PNRC1: variants seen among roughly 807,000 people sequenced by gnomAD.
The protein encoded by PNRC1 is proline-rich nuclear receptor coactivator 1.
In PNRC1, 6 loss-of-function variants were observed where a neutral mutation model predicts 20.2. That is an observed-to-expected ratio of 0.30 (90% CI 0.16 to 0.59). The LOEUF is 0.59. Among genes scored for constraint, PNRC1 ranks in the 20% least tolerant of loss-of-function variants. The probability of loss-of-function intolerance (pLI) is 0.89; values close to 1 mark genes in which losing one functional copy is unlikely to be tolerated. For synonymous variants in PNRC1, 202 were observed against 186.9 expected (o/e 1.08, Z -0.66); for missense variants, 488 against 430.2 (o/e 1.13, Z -1.19).
In PNRC1 at chr6:89,084,183, A is replaced by G. The variant is rs578015348; in HGVS notation, c.971A>G (p.Lys324Arg). Residue 324 changes from lysine (K) to arginine (R), a missense_variant, in exon 2 of 2, where the codon AAA (lysine) becomes AGA (arginine). Coordinates refer to ENST00000336032, the MANE Select transcript of PNRC1 (RefSeq NM_006813.3). The part of the protein sequence containing the change: ...LMAVHLKTLL[K>R]VQT ...GCAGTACACTTAAAAACGCTCCTCA[A>G]AGTTCAAACTTAGATTTCAGATTTC... is the stretch of plus-strand genomic sequence containing the variant. 10 of 1,576,660 alleles carry G rather than the reference A, an allele frequency of 6.3e-6. No homozygotes were observed. In the South Asian group the frequency reaches 9.4e-5, roughly 15 times the overall value.
In PNRC1 at chr6:89,084,736, T is replaced by C. The variant is rs779327505; in HGVS notation, c.*540T>C. 1.3e-4 allele frequency: 20 copies of C among 152,680 alleles called. No individual in the cohort carries two copies. Among genetic ancestry groups the C allele is most frequent in the Non-Finnish European group, 1.9e-4 (13 of 68,064 alleles). 9.5% of individuals were successfully genotyped at this position (152,680 alleles called of 1,614,324 possible). ...TTTTTGCTAAACTCAATTTCTGGTTTTGGTATATATCCATTCCAGCTTAAT... is the reference window on the plus strand; with the variant it reads ...TTTTTGCTAAACTCAATTTCTGGTTCTGGTATATATCCATTCCAGCTTAAT... On this transcript the variant is annotated 3_prime_UTR_variant, in exon 2 of 2. Coordinates refer to ENST00000336032, the MANE Select transcript of PNRC1 (RefSeq NM_006813.3).
rs768759337 is a variant in PNRC1 at position 89,084,225 on chromosome 6, A to G, written c.*29A>G. 49 of 1,488,102 alleles carry G rather than the reference A, an allele frequency of 3.3e-5. No homozygotes were observed. The highest frequency in any genetic ancestry group is 4.3e-5 in the Non-Finnish European group (47 of 1,101,918). 92.2% of individuals were successfully genotyped at this position (1,488,102 alleles called of 1,614,324 possible). A position where few individuals can be genotyped will look rare whatever the true frequency, so the allele number is the denominator to read the frequency against. On this transcript the variant is annotated 3_prime_UTR_variant, in exon 2 of 2. Coordinates refer to ENST00000336032, the MANE Select transcript of PNRC1 (RefSeq NM_006813.3). ...TCAGATTTCAGTATGTGTGTAAAAC[A>G]TAATTTTTCCCATATCCCTGGACTC...
rs545791200 is a variant in PNRC1, at chr6:89,081,185, G to T, written c.291G>T (p.Arg97=). The T allele has an allele frequency of 1.4e-4, 220 of 1,583,150 alleles. 2 individuals are homozygous for T. In the South Asian group the frequency reaches 2.3e-3, roughly 16 times the overall value. Residue 97 remains arginine, a synonymous_variant, in exon 1 of 2, where the codon CGG becomes CGT. Coordinates refer to ENST00000336032, the MANE Select transcript of PNRC1 (RefSeq NM_006813.3). The part of the protein sequence containing the change: ...GGTPRAAPKK[R]RKKKVRASPA... ...CTCCTCGGGCAGCGCCGAAGAAGCGGCGAAAGAAGAAGGTGCGGGCCAGCC... is the reference window on the plus strand; with the variant it reads ...CTCCTCGGGCAGCGCCGAAGAAGCGTCGAAAGAAGAAGGTGCGGGCCAGCC...
At position 89,081,419 on chromosome 6, in the gene PNRC1, C is replaced by T. The variant is rs1004131866; in HGVS notation, c.525C>T (p.Thr175=). 67 of 1,336,132 alleles carry T rather than the reference C, an allele frequency of 5.0e-5. No homozygotes were observed. The highest frequency in any genetic ancestry group is 6.2e-5 in the Non-Finnish European group (65 of 1,051,366). The allele number at this position is 1,336,132 out of a possible 1,614,324, so 82.8% of individuals were successfully genotyped here. The change falls in exon 1 of 2, where the codon ACC becomes ACT. Residue 175 remains threonine, a synonymous_variant. Transcript: ENST00000336032. ...APLRPAAPGQ[T]PLRKEVLKSK... ...TGCGGCCCGCGGCTCCCGGCCAAAC[C>T]CCCCTCAGGAAAGAGGTGAGGCCGC...
At position 89,080,800 on chromosome 6, in the gene PNRC1, C is replaced by T. The variant is rs1190711967; in HGVS notation, c.-95C>T. The T allele has an allele frequency of 1.6e-6, 2 of 1,217,388 alleles. No individual in the cohort carries two copies. The highest frequency in any genetic ancestry group is 1.2e-6 in the Non-Finnish European group (1 of 842,866). The allele number at this position is 1,217,388 out of a possible 1,614,324, so 75.4% of individuals were successfully genotyped here. A position where few individuals can be genotyped will look rare whatever the true frequency, so the allele number is the denominator to read the frequency against. ...TCATGTTCCGCGATCTTCTCAGGCT[C>T]TCCTAGCAGCATCCATCGCCGCCAC... On this transcript the variant is annotated 5_prime_UTR_variant, in exon 1 of 2. Transcript: ENST00000336032.
rs1481655064 is a variant in PNRC1 at position 89,080,760 on chromosome 6, C to T, written c.-135C>T. ...GGGGCTGTGGCTATTTGTTGCTGCG[C>T]CGCCACCGCCCGAGTCATGTTCCGC... On this transcript the variant is annotated 5_prime_UTR_variant, in exon 1 of 2. Coordinates refer to ENST00000336032, the MANE Select transcript of PNRC1 (RefSeq NM_006813.3). 3 of 823,138 alleles carry T rather than the reference C, an allele frequency of 3.6e-6. No homozygotes were observed. The highest frequency in any genetic ancestry group is 5.9e-6 in the Non-Finnish European group (3 of 512,186). The allele number at this position is 823,138 out of a possible 1,614,324, so 51.0% of individuals were successfully genotyped here.
At position 89,084,945 on chromosome 6, in the gene PNRC1, G is replaced by C. The variant is rs1768085391; in HGVS notation, c.*749G>C. 6.6e-6 allele frequency: 1 copy of C among 152,242 alleles called. No individual in the cohort carries two copies. Among genetic ancestry groups the C allele is most frequent in the African/African-American group, 2.4e-5 (1 of 41,438 alleles). The allele number at this position is 152,242 out of a possible 1,614,324, so 9.4% of individuals were successfully genotyped here. A position where few individuals can be genotyped will look rare whatever the true frequency, so the allele number is the denominator to read the frequency against. On this transcript the variant is annotated 3_prime_UTR_variant, in exon 2 of 2. Transcript: ENST00000336032. ...GACTTCTACTTTACTGGCTGAGTGTGAGCCGCCATGCCTGGCCATAATCTA... is the reference window on the plus strand; with the variant it reads ...GACTTCTACTTTACTGGCTGAGTGTCAGCCGCCATGCCTGGCCATAATCTA...
intron 1 of PNRC1, chr6:89,081,733 T>G: frequency 5.0e-6 from 1 of 201,526 alleles, no homozygotes; most frequent in Non-Finnish European, 9.8e-6. Context: ...CCAGGGGGTT[T>G]CGGCGTTCCG....
At chr6:89,081,726 G>A (rs1768003211) in intron 1 of PNRC1, 1 of 224,170 alleles carries the variant, frequency 4.5e-6, no homozygotes, top group Non-Finnish European at 8.6e-6. Context: ...CGGCGTTCCA[G>A]GGGGTTTCGG....
At chr6:89,083,437 C>T (rs571908154) in intron 1 of PNRC1, among the ~76,000 whole-genome samples, 1 of 152,162 alleles carries the variant, frequency 6.6e-6, no homozygotes, top group African/African-American at 2.4e-5. Flanking sequence ...AGTAGGTCCC[C>T]ATCTCTCTCT....
chr6:89,082,397 T>C (rs1276865729), intron 1 of PNRC1: 1 of 152,238 alleles, frequency 6.6e-6, no homozygotes, highest in Non-Finnish European at 1.5e-5. Context: ...ATTAGAGATT[T>C]GCGGTTTATC....
At position 89,083,806 on chromosome 6, in the gene PNRC1, G is replaced by C. The variant is rs984367269; in HGVS notation, c.594G>C (p.Gln198His). ...KSEKIALPHG[Q>H]LVHGIHLYEQ... is the part of the protein sequence containing the mutation. Reference sequence around the variant, plus strand: ...AGAAAATTGCCCTTCCCCATGGCCAGCTTGTTCATGGTATACACTTGTATG... The same window carrying C: ...AGAAAATTGCCCTTCCCCATGGCCACCTTGTTCATGGTATACACTTGTATG... Residue 198 changes from glutamine to histidine, a missense_variant, in exon 2 of 2, where the codon CAG becomes CAC. By Grantham distance (24) the Gln-to-His change is conservative (BLOSUM62 0). Transcript: ENST00000336032. The C allele has an allele frequency of 6.2e-7, 1 of 1,602,584 alleles. No homozygotes were observed. The highest frequency in any genetic ancestry group is 8.5e-7 in the Non-Finnish European group (1 of 1,176,498).
rs745422013 is a variant in PNRC1, at chr6:89,084,108, A to G, written c.896A>G (p.His299Arg). Residue 299 changes from histidine to arginine, a missense_variant, in exon 2 of 2, where the codon CAC becomes CGC. His to Arg is a conservative substitution (Grantham distance 29). Transcript: ENST00000336032. ...AGTGTTCTTCCAAAGCCTCCTAGTCACTGGATGGGAAGCACTGTTGAAAAT... is the reference window on the plus strand; with the variant it reads ...AGTGTTCTTCCAAAGCCTCCTAGTCGCTGGATGGGAAGCACTGTTGAAAAT... ...SPSVLPKPPS[H>R]WMGSTVENSN... The G allele has an allele frequency of 1.9e-6, 3 of 1,613,904 alleles. No homozygotes were observed. The highest frequency in any genetic ancestry group is 2.5e-6 in the Non-Finnish European group (3 of 1,179,922).
rs749652952 is a variant in PNRC1 at position 89,081,012 on chromosome 6, C to T, written c.118C>T (p.Pro40Ser). The change falls in exon 1 of 2, where the codon CCT (proline) becomes TCT (serine). Residue 40 changes from proline to serine, a missense_variant. Transcript: ENST00000336032. The stretch of plus-strand genomic sequence containing the variant: ...CCTCCCGATGGTGACCACGGCTCCG[C>T]CTCCTTTACCCCGGATCCCGGACCC... Reference protein sequence around the residue: ...GALPMVTTAPPPLPRIPDPRA... With the variant: ...GALPMVTTAPSPLPRIPDPRA... 21 of 1,612,350 alleles carry T rather than the reference C, an allele frequency of 1.3e-5. No homozygotes were observed. Among genetic ancestry groups the T allele is most frequent in the Admixed American group, 1.7e-5 (1 of 60,012 alleles).
chr6:89,082,432 C>T (rs1768022941), intron 1 of PNRC1: 1 of 152,152 alleles, frequency 6.6e-6, no homozygotes, highest in Non-Finnish European at 1.5e-5. Context: ...AAAATTTGCC[C>T]ACCTTGTTTC....
intron 1 of PNRC1, 48 bp from the exon 2 acceptor site, chr6:89,083,705 G>A (rs758249425): frequency 1.9e-5 from 26 of 1,404,074 alleles, no homozygotes; most frequent in Non-Finnish European, 2.4e-5. Flanking sequence ...GTTCATAACT[G>A]ATTTTTATCT....
rs144161245 is a variant in PNRC1, at chr6:89,080,930, C to T, written c.36C>T (p.Leu12=). The stretch of plus-strand genomic sequence containing the variant: ...TCTCCGTCCCGCAGCGGGAGCCGCT[C>T]GTCCTGGGTGGCCGCCTTGCGCCGC... The part of the protein sequence containing the change: ...TVVSVPQREP[L]VLGGRLAPLG... The change falls in exon 1 of 2, where the codon CTC becomes CTT. Residue 12 remains leucine (L), a synonymous_variant. Coordinates refer to ENST00000336032, the MANE Select transcript of PNRC1 (RefSeq NM_006813.3). The T allele has an allele frequency of 6.7e-4, 1,085 of 1,612,906 alleles. 19 individuals are homozygous for T. The South Asian group carries it at 0.01, about 15-fold the overall frequency.
intron 1 of PNRC1, chr6:89,082,528 T>C (rs1307218079): frequency 6.6e-6 from 1 of 152,246 alleles, no homozygotes; most frequent in Non-Finnish European, 1.5e-5. Context: ...TGTGCTTGTT[T>C]CCTGGCCTGT....
In PNRC1 at chr6:89,081,181, A is replaced by G. The variant is rs1041462593; in HGVS notation, c.287A>G (p.Lys96Arg). The G allele has an allele frequency of 1.3e-6, 2 of 1,585,422 alleles. No individual in the cohort carries two copies. The highest frequency in any genetic ancestry group is 1.7e-6 in the Non-Finnish European group (2 of 1,172,488). The change falls in exon 1 of 2, where the codon AAG becomes AGG. Residue 96 changes from lysine to arginine, a missense_variant. Transcript: ENST00000336032. ...AGGTPRAAPK[K>R]RRKKKVRASP... ...GGCACTCCTCGGGCAGCGCCGAAGAAGCGGCGAAAGAAGAAGGTGCGGGCC... is the reference window on the plus strand; with the variant it reads ...GGCACTCCTCGGGCAGCGCCGAAGAGGCGGCGAAAGAAGAAGGTGCGGGCC...
Sources: gnomAD v4.1 joint callset for allele counts (sites outside exome capture counted in the v4.1 genomes callset) on GRCh38, gnomAD v4.1.1 for gene constraint, MANE v1.5 for transcripts, NCBI Gene and HGNC (gene_info 2026-07-23, HGNC 2026-07-21) for gene names.